The following SDCCAG8 variants were observed in gnomAD, a reference collection of about 807,000 sequenced individuals.
SDCCAG8 encodes serologically defined colon cancer antigen 8.
SDCCAG8 carries 74 observed loss-of-function variants against 101.8 expected under a neutral mutation model. The observed-to-expected ratio is 0.73, with a 90% CI of 0.60 to 0.88. The LOEUF (loss-of-function observed/expected upper bound fraction) is 0.88, where lower values mean the gene tolerates loss of function less well. Among genes scored for constraint, SDCCAG8 ranks in the 40% least tolerant of loss-of-function variants. The pLI is 0.00. For synonymous variants in SDCCAG8, 281 were observed against 292.9 expected (o/e 0.96, Z 0.41); for missense variants, 787 against 822.6 (o/e 0.96, Z 0.53).
chr1:243,406,812 G>C (rs2079819100), intron 13 of SDCCAG8, among the ~76,000 whole-genome samples: 1 of 152,086 alleles, frequency 6.6e-6, no homozygotes, highest in Non-Finnish European at 1.5e-5. Flanking sequence ...CAGGGCACCT[G>C]GTTATCTCTC....
intron 12 of SDCCAG8, among the ~76,000 whole-genome samples, chr1:243,368,765 T>C (rs2077127580): frequency 6.6e-6 from 1 of 152,048 alleles, no homozygotes; most frequent in South Asian, 2.1e-4. Context: ...ATCTGTACAG[T>C]GATATCAGAC....
At chr1:243,327,642 A>G (rs116353849) in intron 9 of SDCCAG8, among the ~76,000 whole-genome samples, 5,022 of 152,092 alleles carry the variant, frequency 0.033, 265 homozygotes, top group African/African-American at 0.11. Context: ...GGGGTACTCA[A>G]TCGACAGGGA....
chr1:243,259,821 G>A (rs899878528), intron 1 of SDCCAG8, among the ~76,000 whole-genome samples: 1 of 152,080 alleles, frequency 6.6e-6, no homozygotes, highest in African/African-American at 2.4e-5. Flanking sequence ...GGTAACAAGA[G>A]TGAAATCCTA....
At chr1:243,397,016 G>T (rs2079071100) in intron 13 of SDCCAG8, among the ~76,000 whole-genome samples, 1 of 152,204 alleles carries the variant, frequency 6.6e-6, no homozygotes, top group South Asian at 2.1e-4. Flanking sequence ...CAGAAAGGTT[G>T]CGAGTGCCAG....
rs1222947634 is a variant in SDCCAG8 at position 243,426,512 on chromosome 1, G to A, written c.1939G>A (p.Glu647Lys). The change falls in exon 16 of 18, where the codon GAA becomes AAA. Residue 647 changes from glutamate to lysine, a missense_variant. Glu to Lys is a moderately conservative substitution (Grantham distance 56). Coordinates refer to ENST00000366541, the MANE Select transcript of SDCCAG8 (RefSeq NM_006642.5). Reference sequence around the variant, plus strand: ...ACAGAGAAGAAATGAAGAATTGGAGGAACAGTGTGTCCAGCATGGGAGAGT... The same window carrying A: ...ACAGAGAAGAAATGAAGAATTGGAGAAACAGTGTGTCCAGCATGGGAGAGT... The part of the protein sequence containing the change: ...KLQRRNEELE[E>K]QCVQHGRVHE... The A allele has an allele frequency of 2.5e-6, 4 of 1,613,966 alleles. No homozygotes were observed. Among genetic ancestry groups the A allele is most frequent in the Non-Finnish European group, 3.4e-6 (4 of 1,179,918 alleles).
intron 15 of SDCCAG8, among the ~76,000 whole-genome samples, chr1:243,420,015 G>A (rs1170445953): frequency 6.6e-6 from 1 of 152,172 alleles, no homozygotes; most frequent in Non-Finnish European, 1.5e-5. Context: ...TGACATAGAT[G>A]GCATTTAATG....
At chr1:243,323,828 C>A (rs1196282909) in intron 9 of SDCCAG8, among the ~76,000 whole-genome samples, 1 of 152,168 alleles carries the variant, frequency 6.6e-6, no homozygotes, top group Non-Finnish European at 1.5e-5. Flanking sequence ...GATTTGGAAC[C>A]CTGTTAACTG....
chr1:243,492,077 G>A (rs540789402), intron 17 of SDCCAG8, among the ~76,000 whole-genome samples: 45 of 152,128 alleles, frequency 3.0e-4, no homozygotes, highest in African/African-American at 9.9e-4. Context: ...CCTCCAACAG[G>A]AAGTGTCTAG....
chr1:243,332,624 A>G (rs994571763), intron 10 of SDCCAG8, among the ~76,000 whole-genome samples: 1 of 150,576 alleles, frequency 6.6e-6, no homozygotes, highest in Admixed American at 6.6e-5. Flanking sequence ...GGAGGTGATT[A>G]TCACAGACCC....
chr1:243,386,091 G>A (rs1393208661), intron 13 of SDCCAG8, among the ~76,000 whole-genome samples: 1 of 152,196 alleles, frequency 6.6e-6, no homozygotes, highest in African/African-American at 2.4e-5. Flanking sequence ...CATTTGCTGA[G>A]CCCCTGCTGT....
chr1:243,426,534 G>C lies in SDCCAG8; in HGVS notation c.1961G>C (p.Arg654Thr). 1 of 1,613,970 alleles carries C rather than the reference G, an allele frequency of 6.2e-7. No homozygotes were observed. Among genetic ancestry groups the C allele is most frequent in the South Asian group, 1.1e-5 (1 of 91,068 alleles). Reference protein sequence around the residue: ...ELEEQCVQHGRVHETMKQRLR... With the variant: ...ELEEQCVQHGTVHETMKQRLR... ...GAGGAACAGTGTGTCCAGCATGGGA[G>C]AGTACATGAGACGATGAAGCAAAGG... The change falls in exon 16 of 18, where the codon AGA (arginine) becomes ACA (threonine). Residue 654 changes from arginine to threonine, a missense_variant. Physicochemically the swap from Arg to Thr is moderately conservative, Grantham distance 71 (BLOSUM62 -1). Transcript: ENST00000366541.
chr1:243,449,128 C>T (rs1041849996), intron 16 of SDCCAG8, among the ~76,000 whole-genome samples: 2 of 152,150 alleles, frequency 1.3e-5, no homozygotes, highest in African/African-American at 2.4e-5. Context: ...ATTAAATATG[C>T]TTTGATCTCA....
At chr1:243,481,509 G>A (rs1663751477) in intron 16 of SDCCAG8, among the ~76,000 whole-genome samples, 1 of 152,214 alleles carries the variant, frequency 6.6e-6, no homozygotes, top group African/African-American at 2.4e-5. Flanking sequence ...TTTAGTAAAT[G>A]CTCAGTAAAC....
chr1:243,361,791 C>T (rs1329029106), intron 12 of SDCCAG8, among the ~76,000 whole-genome samples: 1 of 152,226 alleles, frequency 6.6e-6, no homozygotes, highest in African/African-American at 2.4e-5. Flanking sequence ...CTGTTATTCT[C>T]TCACAGCACC....
In SDCCAG8 at chr1:243,437,567, C is replaced by T. The variant is rs566286825; in HGVS notation, c.1985+11009C>T. On this transcript the variant is annotated intron_variant, in intron 16 of 17. Transcript: ENST00000366541. ...TTTTTTTTGTATTGAAACAGAGTCT[C>T]GCTCTGTCGCCCAGGCTGGAGTGCA... 2.1e-3 allele frequency among the ~76,000 whole-genome samples: 312 copies of T among 145,990 alleles called. 4 individuals are homozygous for T. The highest frequency in any genetic ancestry group is 7.5e-3 in the African/African-American group (294 of 39,146).
At chr1:243,377,850 A>G (rs1287361447) in intron 12 of SDCCAG8, among the ~76,000 whole-genome samples, 1 of 138,146 alleles carries the variant, frequency 7.2e-6, no homozygotes, top group East Asian at 2.1e-4. Flanking sequence ...TTCTTGTTTT[A>G]ATAGCCTAAA....
intron 9 of SDCCAG8, 61 bp from the exon 10 acceptor site, chr1:243,330,479 C>A: frequency 1.3e-6 from 2 of 1,545,520 alleles, no homozygotes; most frequent in South Asian, 2.2e-5. Flanking sequence ...TTAATTATGT[C>A]ATTTTACCTA....
intron 13 of SDCCAG8, among the ~76,000 whole-genome samples, chr1:243,380,623 G>A (rs971557621): frequency 1.2e-4 from 18 of 151,966 alleles, no homozygotes; most frequent in Non-Finnish European, 1.9e-4. Context: ...GAAAATGGAC[G>A]AGTGGTAACT....
intron 17 of SDCCAG8, among the ~76,000 whole-genome samples, chr1:243,496,987 G>C (rs1044738451): frequency 6.6e-6 from 1 of 152,224 alleles, no homozygotes; most frequent in East Asian, 1.9e-4. Context: ...ACAGCCACAG[G>C]AGGGCCACAG....
Sources: gnomAD v4.1 joint callset for allele counts (sites outside exome capture counted in the v4.1 genomes callset) on GRCh38, gnomAD v4.1.1 for gene constraint, MANE v1.5 for transcripts, NCBI Gene and HGNC (gene_info 2026-07-23, HGNC 2026-07-21) for gene names.